UNC13C: variants seen among roughly 807,000 people sequenced by gnomAD.
UNC13C encodes unc-13 homolog C.
A neutral mutation model predicts 245.4 loss-of-function variants in UNC13C; 174 were observed. The ratio of observed to expected loss-of-function variants is 0.71; its 90% CI spans 0.63 to 0.80. The LOEUF (loss-of-function observed/expected upper bound fraction) is 0.80, where lower values mean the gene tolerates loss of function less well. Ranked by LOEUF, UNC13C falls within the 30% of genes least tolerant of loss-of-function variation. UNC13C has a pLI of 0.00. For missense variants in UNC13C, 2,829 were observed against 2,602.9 expected (o/e 1.09, Z -1.89); for synonymous variants, 992 against 895.1 (o/e 1.11, Z -1.93).
At chr15:53,929,619 T>C in the UNC13C span, among the ~76,000 whole-genome samples, 1 of 152,260 alleles carries the variant, frequency 6.6e-6, no homozygotes, top group Non-Finnish European at 1.5e-5. Context: ...CTTGCTCTTG[T>C]ACTTACTACT....
intron 4 of UNC13C, among the ~76,000 whole-genome samples, chr15:54,161,046 T>C (rs1567058564): frequency 6.6e-6 from 1 of 152,312 alleles, no homozygotes; most frequent in African/African-American, 2.4e-5. Context: ...AAGAGCTCAG[T>C]TGATCTACAA....
At chr15:54,123,609 G>T (rs977742691) in intron 2 of UNC13C, among the ~76,000 whole-genome samples, 2 of 152,016 alleles carry the variant, frequency 1.3e-5, no homozygotes, top group Non-Finnish European at 2.9e-5. Context: ...TTCATAGGAA[G>T]TTATAGAGAT....
intron 28 of UNC13C, among the ~76,000 whole-genome samples, chr15:54,554,651 CAATA>C (rs1393333811): frequency 6.6e-6 from 1 of 152,028 alleles, no homozygotes; most frequent in African/African-American, 2.4e-5. Flanking sequence ...AATAAACACT[CAATA>C]AATATTTGTT....
At chr15:54,484,555 T>A (rs1893306395) in intron 19 of UNC13C, among the ~76,000 whole-genome samples, 1 of 152,222 alleles carries the variant, frequency 6.6e-6, no homozygotes, top group Non-Finnish European at 1.5e-5. Flanking sequence ...CAATAATACA[T>A]TTTAAATTGA....
At chr15:54,084,754 A>G (rs536364127) in intron 2 of UNC13C, among the ~76,000 whole-genome samples, 2 of 152,320 alleles carry the variant, frequency 1.3e-5, no homozygotes, top group South Asian at 4.1e-4. Flanking sequence ...ACTTGAAAAA[A>G]ATTATCTTCT....
At chr15:54,375,065 C>A (rs559688423) in intron 17 of UNC13C, among the ~76,000 whole-genome samples, 124 of 152,282 alleles carry the variant, frequency 8.1e-4, no homozygotes, top group African/African-American at 2.9e-3. Flanking sequence ...CTAAACAGTC[C>A]TGTATATGTC....
At chr15:54,592,941 G>A (rs972288486) in intron 30 of UNC13C, among the ~76,000 whole-genome samples, 2 of 149,784 alleles carry the variant, frequency 1.3e-5, no homozygotes, top group Middle Eastern at 3.4e-3. Context: ...TGGTTTTGAT[G>A]TGTTTCCAGG....
intron 19 of UNC13C, among the ~76,000 whole-genome samples, chr15:54,494,005 C>A (rs1251019610): frequency 6.6e-6 from 1 of 152,002 alleles, no homozygotes; most frequent in African/African-American, 2.4e-5. Flanking sequence ...AATCATGTGC[C>A]TCATAAGTTA....
chr15:54,047,435 C>T (rs1215143711), intron 2 of UNC13C, among the ~76,000 whole-genome samples: 2 of 152,018 alleles, frequency 1.3e-5, no homozygotes, highest in Non-Finnish European at 2.9e-5. Context: ...CCCCACCTGT[C>T]TCTGGTAAAC....
chr15:53,942,082 C>A, the UNC13C span, among the ~76,000 whole-genome samples: 1 of 152,156 alleles, frequency 6.6e-6, no homozygotes, highest in Non-Finnish European at 1.5e-5. Context: ...ATAAATTATT[C>A]TATTATAAAG....
intron 19 of UNC13C, among the ~76,000 whole-genome samples, chr15:54,450,506 A>C (rs1259532864): frequency 6.6e-6 from 1 of 152,222 alleles, no homozygotes; most frequent in Non-Finnish European, 1.5e-5. Flanking sequence ...GCTGCCTTGC[A>C]GATGGATCTC....
chr15:54,580,736 G>A (rs1203826345), intron 30 of UNC13C, among the ~76,000 whole-genome samples: 1 of 152,172 alleles, frequency 6.6e-6, no homozygotes, highest in African/African-American at 2.4e-5. Flanking sequence ...TCTCAGAGGT[G>A]ACTCTTTCGT....
the UNC13C span, among the ~76,000 whole-genome samples, chr15:53,915,810 T>G: frequency 6.6e-6 from 1 of 152,186 alleles, no homozygotes; most frequent in African/African-American, 2.4e-5. Flanking sequence ...AGTGGAGAGA[T>G]GGATTGATGA....
At chr15:53,935,588 G>A in the UNC13C span, among the ~76,000 whole-genome samples, 380 of 152,284 alleles carry the variant, frequency 2.5e-3, 2 homozygotes, top group African/African-American at 8.6e-3. Flanking sequence ...TGAAAATGGC[G>A]AGTTAATTCC....
At chr15:54,307,957 T>C (rs1030030787) in intron 13 of UNC13C, among the ~76,000 whole-genome samples, 1 of 151,974 alleles carries the variant, frequency 6.6e-6, no homozygotes, top group South Asian at 2.1e-4. Flanking sequence ...TGATGAATAT[T>C]GTTTTAGTGT....
the UNC13C span, among the ~76,000 whole-genome samples, chr15:53,943,670 G>T: frequency 6.6e-6 from 1 of 151,954 alleles, no homozygotes; most frequent in Admixed American, 6.6e-5. Context: ...AAAAATTATA[G>T]TATTGTACTT....
chr15:54,461,812 G>C (rs888379008), intron 19 of UNC13C, among the ~76,000 whole-genome samples: 4 of 152,192 alleles, frequency 2.6e-5, no homozygotes, highest in Non-Finnish European at 5.9e-5. Context: ...GGTAGTGATA[G>C]ATGTGGATAC....
intron 19 of UNC13C, among the ~76,000 whole-genome samples, chr15:54,484,099 A>G (rs1001011761): frequency 2.0e-5 from 3 of 150,918 alleles, no homozygotes; most frequent in East Asian, 1.9e-4. Context: ...AAAAACCAGC[A>G]TCTAGGAAGC....
Position 54,296,937 on chromosome 15 carries a change from C to A in UNC13C, c.3989-874C>A, listed in dbSNP as rs943695445. On this transcript the variant is annotated intron_variant, in intron 11 of 32. Coordinates refer to ENST00000260323, the MANE Select transcript of UNC13C (RefSeq NM_001080534.3). ...TTTATACCGAACACGTACGCACGCA[C>A]ATTTTATGGCTAAATTGACTATATG... Among the ~76,000 whole-genome samples, 10 of 152,330 alleles carry A rather than the reference C, an allele frequency of 6.6e-5. No homozygotes were observed. In the South Asian group the frequency reaches 1.9e-3, roughly 28 times the overall value.
Sources: gnomAD v4.1 joint callset for allele counts (sites outside exome capture counted in the v4.1 genomes callset) on GRCh38, gnomAD v4.1.1 for gene constraint, MANE v1.5 for transcripts, NCBI Gene and HGNC (gene_info 2026-07-23, HGNC 2026-07-21) for gene names.